The following COL28A1 variants were observed in gnomAD, a reference collection of about 807,000 sequenced individuals.
COL28A1 encodes the protein collagen alpha-1(XXVIII) chain.
In COL28A1, 161 loss-of-function variants were observed where a neutral mutation model predicts 150.2. The observed-to-expected ratio is 1.07, with a 90% CI of 0.94 to 1.22. COL28A1 has a LOEUF of 1.22. COL28A1 is among the 50% of genes most tolerant of loss of function. The probability of loss-of-function intolerance (pLI) is 0.00; values close to 1 mark genes in which losing one functional copy is unlikely to be tolerated. For synonymous variants in COL28A1, 552 were observed against 469.7 expected (o/e 1.18, Z -2.26); for missense variants, 1,617 against 1,388.3 (o/e 1.16, Z -2.62).
At chr7:7,497,652 A>G (rs1780293916) in intron 11 of COL28A1, among the ~76,000 whole-genome samples, 1 of 152,216 alleles carries the variant, frequency 6.6e-6, no homozygotes, top group Non-Finnish European at 1.5e-5. Context: ...AAAATACAAA[A>G]GTCATATAAT....
intron 33 of COL28A1, among the ~76,000 whole-genome samples, chr7:7,361,667 G>A (rs1306718344): frequency 7.9e-5 from 12 of 151,976 alleles, no homozygotes; most frequent in Non-Finnish European, 1.5e-4. Flanking sequence ...CATATCCTTC[G>A]CCCATTTTTT....
chr7:7,533,765 T>C (rs1782496090), intron 1 of COL28A1, among the ~76,000 whole-genome samples: 1 of 152,130 alleles, frequency 6.6e-6, no homozygotes, highest in Non-Finnish European at 1.5e-5. Flanking sequence ...ACCAACTGAC[T>C]CTTAAACTGA....
chr7:7,431,123 A>G (rs1428358082), intron 25 of COL28A1: 1 of 152,454 alleles, frequency 6.6e-6, no homozygotes, highest in Non-Finnish European at 1.5e-5. Context: ...CCAAGGGGAG[A>G]AGTTGGCATT....
intron 3 of COL28A1, among the ~76,000 whole-genome samples, chr7:7,529,616 G>C (rs1479386232): frequency 1.3e-5 from 2 of 152,146 alleles, no homozygotes; most frequent in East Asian, 3.9e-4. Flanking sequence ...AGTGAAGCAG[G>C]TGCTCTCAGC....
chr7:7,454,344 A>C (rs1288697834), intron 16 of COL28A1, among the ~76,000 whole-genome samples: 1 of 152,234 alleles, frequency 6.6e-6, no homozygotes, highest in Non-Finnish European at 1.5e-5. Flanking sequence ...ACATTGAATA[A>C]CTGCATAGAC....
intron 1 of COL28A1, among the ~76,000 whole-genome samples, chr7:7,533,764 CTCTTAAACTG>C (rs1782496390): frequency 6.6e-6 from 1 of 152,146 alleles, no homozygotes; most frequent in African/African-American, 2.4e-5. Flanking sequence ...CACCAACTGA[CTCTTAAACTG>C]ACAGATTTCC....
chr7:7,431,736 T>C, intron 25 of COL28A1: 1 of 402,622 alleles, frequency 2.5e-6, no homozygotes. Context: ...TGCTAAGTTA[T>C]AGGAGGACAG....
chr7:7,478,715 G>C (rs1366534873), intron 13 of COL28A1, among the ~76,000 whole-genome samples: 1 of 152,266 alleles, frequency 6.6e-6, no homozygotes, highest in Non-Finnish European at 1.5e-5. Flanking sequence ...GGCCAAGTGA[G>C]AAATCGAGCG....
intron 15 of COL28A1, among the ~76,000 whole-genome samples, chr7:7,473,864 G>C (rs1457587640): frequency 6.7e-6 from 1 of 149,654 alleles, no homozygotes; most frequent in African/African-American, 2.4e-5. Context: ...TATATATATA[G>C]TGTGTGTTTA....
chr7:7,433,331 C>A (rs1038260079), intron 23 of COL28A1, among the ~76,000 whole-genome samples: 1 of 152,040 alleles, frequency 6.6e-6, no homozygotes, highest in South Asian at 2.1e-4. Context: ...TAAGAAGGAT[C>A]TTTTAGAAGA....
intron 5 of COL28A1, among the ~76,000 whole-genome samples, chr7:7,521,462 T>A (rs1781718965): frequency 6.6e-6 from 1 of 152,230 alleles, no homozygotes; most frequent in Admixed American, 6.5e-5. Context: ...TTCCTGTCCA[T>A]GAGGCCACAC....
rs760753701 is a variant in COL28A1, at chr7:7,370,819, A to G, written c.2972T>C (p.Ile991Thr). 1 of 1,613,764 alleles carries G rather than the reference A, an allele frequency of 6.2e-7. No homozygotes were observed. Among genetic ancestry groups the G allele is most frequent in the Non-Finnish European group, 8.5e-7 (1 of 1,179,718 alleles). ...CEDFDSYLVQIFGSSSPQPGF... is the reference protein window; with the variant it reads ...CEDFDSYLVQTFGSSSPQPGF... ...AGGTTGAGGTGACGATGAACCAAAAATTTGAACGAGATAGGAATCAAAATC... is the reference window on the plus strand; with the variant it reads ...AGGTTGAGGTGACGATGAACCAAAAGTTTGAACGAGATAGGAATCAAAATC... The change falls in exon 33 of 35, where the codon ATT (isoleucine) becomes ACT (threonine). Residue 991 changes from isoleucine (I) to threonine (T), a missense_variant. Ile to Thr is a moderately conservative substitution (Grantham distance 89). Coordinates refer to ENST00000399429, the MANE Select transcript of COL28A1 (RefSeq NM_001037763.3).
intron 15 of COL28A1, among the ~76,000 whole-genome samples, chr7:7,465,210 A>C (rs1184481158): frequency 6.6e-6 from 1 of 151,704 alleles, no homozygotes. Flanking sequence ...TCATCCCACT[A>C]GGGAGTGCCA....
chr7:7,405,795 C>A (rs1457014822), intron 27 of COL28A1, among the ~76,000 whole-genome samples: 1 of 152,062 alleles, frequency 6.6e-6, no homozygotes, highest in Non-Finnish European at 1.5e-5. Context: ...AACAATATTG[C>A]ATAATGATTG....
intron 16 of COL28A1, among the ~76,000 whole-genome samples, chr7:7,455,807 T>TA (rs1787114185): frequency 6.6e-6 from 1 of 152,236 alleles, no homozygotes; most frequent in Non-Finnish European, 1.5e-5. Context: ...GTTTTAATGT[T>TA]AAAAGTCACA....
At chr7:7,465,170 A>G in intron 15 of COL28A1, among the ~76,000 whole-genome samples, 1 of 151,890 alleles carries the variant, frequency 6.6e-6, no homozygotes, top group Admixed American at 6.6e-5. Flanking sequence ...AAGACGGGTG[A>G]TTTCTGCATT....
chr7:7,528,922 T>G (rs1462573811), intron 3 of COL28A1, among the ~76,000 whole-genome samples: 1 of 152,158 alleles, frequency 6.6e-6, no homozygotes, highest in Non-Finnish European at 1.5e-5. Context: ...ACTACATAAT[T>G]ATTTTAAAAT....
At chr7:7,543,326 A>T in the COL28A1 span, among the ~76,000 whole-genome samples, 2 of 152,256 alleles carry the variant, frequency 1.3e-5, no homozygotes, top group Non-Finnish European at 2.9e-5. Flanking sequence ...TTGTTTGTCA[A>T]TGATATAAGC....
chr7:7,339,285 CTTT>C, the COL28A1 span, among the ~76,000 whole-genome samples: 2 of 152,130 alleles, frequency 1.3e-5, no homozygotes, highest in African/African-American at 4.8e-5. Context: ...CTCTTCACTT[CTTT>C]ACTTCCTATT....
Sources: allele counts gnomAD v4.1 joint callset (sites outside exome capture counted in the v4.1 genomes callset), GRCh38; gene constraint gnomAD v4.1.1; transcripts MANE v1.5; gene names NCBI Gene and HGNC (gene_info 2026-07-23, HGNC 2026-07-21).